The following PDE8A variants were observed in gnomAD, a reference collection of about 807,000 sequenced individuals.
PDE8A encodes the protein phosphodiesterase 8A, also known as high affinity cAMP-specific and IBMX-insensitive 3',5'-cyclic phosphodiesterase 8A.
PDE8A carries 59 observed loss-of-function variants against 105.0 expected under a neutral mutation model. The observed-to-expected ratio is 0.56, with a 90% confidence interval of 0.46 to 0.70. The LOEUF (loss-of-function observed/expected upper bound fraction) is 0.70, where lower values mean the gene tolerates loss of function less well. Among genes scored for constraint, PDE8A ranks in the 30% least tolerant of loss-of-function variants. The pLI is 0.00. For missense variants in PDE8A, 1,014 were observed against 1,045.9 expected (o/e 0.97, Z 0.42); for synonymous variants, 355 against 371.9 (o/e 0.95, Z 0.52).
chr15:85,060,199 A>G (rs55988402), intron 1 of PDE8A, among the ~76,000 whole-genome samples: 13,489 of 152,100 alleles, frequency 0.089, 1,656 homozygotes, highest in African/African-American at 0.28. Flanking sequence ...TTCTGTAGCT[A>G]CTTTCTTTAT....
chr15:84,981,049 G>A (rs1473482204), upstream of PDE8A, among the ~76,000 whole-genome samples: 1 of 152,100 alleles, frequency 6.6e-6, no homozygotes, highest in Non-Finnish European at 1.5e-5. Context: ...TCTTTCCACC[G>A]GCCTCTTTTC....
chr15:85,079,282 G>C (rs2081428683), intron 5 of PDE8A, among the ~76,000 whole-genome samples: 2 of 152,162 alleles, frequency 1.3e-5, no homozygotes, highest in South Asian at 2.1e-4. Flanking sequence ...TGTTTGTAAG[G>C]TTTGTGGGGA....
chr15:85,129,468 C>T (rs2082301333), intron 20 of PDE8A, among the ~76,000 whole-genome samples: 1 of 152,124 alleles, frequency 6.6e-6, no homozygotes, highest in Non-Finnish European at 1.5e-5. Context: ...TGGTAGGTTG[C>T]ATGTTTCTAG....
intron 1 of PDE8A, among the ~76,000 whole-genome samples, chr15:85,007,455 G>T (rs1160674692): frequency 4.6e-5 from 7 of 150,586 alleles, no homozygotes; most frequent in Admixed American, 1.3e-4. Context: ...CTGGGTGCTG[G>T]TTATACAGGT....
chr15:85,053,701 C>G (rs1314711592), intron 1 of PDE8A, among the ~76,000 whole-genome samples: 1 of 152,222 alleles, frequency 6.6e-6, no homozygotes, highest in Non-Finnish European at 1.5e-5. Context: ...TGCTTATCAG[C>G]TTAAGGAGAT....
At chr15:84,981,788 C>G (rs1188362275), upstream of PDE8A, among the ~76,000 whole-genome samples, 1 of 151,026 alleles carries the variant, frequency 6.6e-6, no homozygotes, top group Non-Finnish European at 1.5e-5. Context: ...GCGTGGCTCG[C>G]GCGGCGTGGA....
chr15:84,988,405 C>T (rs1428132431), intron 1 of PDE8A, among the ~76,000 whole-genome samples: 13 of 152,196 alleles, frequency 8.5e-5, no homozygotes, highest in Admixed American at 7.8e-4. Flanking sequence ...ACAGCTCTAC[C>T]TTAGGTTCCT....
At chr15:85,100,120 C>T (rs1252674125) in intron 10 of PDE8A, 36 bp from the exon 11 acceptor site, 1 of 1,612,726 alleles carries the variant, frequency 6.2e-7, no homozygotes, top group Non-Finnish European at 8.5e-7. Context: ...AGATTTTCAG[C>T]AATCAGAACT....
Position 85,108,231 on chromosome 15 carries a change from C to T in PDE8A, c.1037-822C>T, listed in dbSNP as rs535910167. On this transcript the variant is annotated intron_variant, in intron 11 of 21. Coordinates refer to ENST00000394553, the MANE Select transcript of PDE8A (RefSeq NM_002605.3). ...ATGGTGCAAAGGAAGTGCTAAGGGCCTACATTCGGATCCTGTACATGAGCA... is the reference window on the plus strand; with the variant it reads ...ATGGTGCAAAGGAAGTGCTAAGGGCTTACATTCGGATCCTGTACATGAGCA... Among the ~76,000 whole-genome samples, 28 of 152,264 alleles carry T rather than the reference C, an allele frequency of 1.8e-4. 2 individuals are homozygous for T. The South Asian group carries it at 4.1e-3, about 23-fold the overall frequency.
intron 1 of PDE8A, among the ~76,000 whole-genome samples, chr15:85,049,950 A>G (rs551945953): frequency 1.1e-4 from 17 of 152,298 alleles, no homozygotes; most frequent in African/African-American, 3.1e-4. Context: ...ATTTCCATCA[A>G]CAGGGCACAG....
chr15:85,088,718 T>C (rs1054794765), intron 6 of PDE8A, among the ~76,000 whole-genome samples: 13 of 152,240 alleles, frequency 8.5e-5, no homozygotes, highest in Admixed American at 2.6e-4. Context: ...GGGTGTGATA[T>C]AGTGTTCCAC....
chr15:85,064,130 C>T (rs141447356), intron 1 of PDE8A: 18 of 442,400 alleles, frequency 4.1e-5, no homozygotes, highest in Non-Finnish European at 7.2e-5. Context: ...AAAGGCAAAG[C>T]CAGAATCACA....
intron 5 of PDE8A, 131 bp from the exon 6 acceptor site, chr15:85,083,425 T>A: frequency 1.7e-6 from 1 of 597,578 alleles, no homozygotes; most frequent in Admixed American, 2.9e-5. Context: ...TACCTTCTGT[T>A]CATCATTAAT....
intron 1 of PDE8A, among the ~76,000 whole-genome samples, chr15:85,013,510 T>C (rs1315758005): frequency 6.6e-6 from 1 of 152,220 alleles, no homozygotes. Flanking sequence ...TAATCTATTA[T>C]ATGTGTTTGC....
chr15:85,038,299 C>G (rs2080743710), intron 1 of PDE8A, among the ~76,000 whole-genome samples: 1 of 151,748 alleles, frequency 6.6e-6, no homozygotes, highest in South Asian at 2.1e-4. Flanking sequence ...GGTATGAGCT[C>G]TTTGTCAGTT....
chr15:85,046,207 C>G (rs979149883), intron 1 of PDE8A, among the ~76,000 whole-genome samples: 9 of 151,866 alleles, frequency 5.9e-5, no homozygotes, highest in African/African-American at 2.2e-4. Flanking sequence ...ACCCACCACA[C>G]CTGGCTAATT....
intron 5 of PDE8A, among the ~76,000 whole-genome samples, chr15:85,082,448 G>T (rs1214550423): frequency 6.6e-6 from 1 of 152,088 alleles, no homozygotes; most frequent in African/African-American, 2.4e-5. Context: ...CTTTACAGTT[G>T]AGGAAACAGG....
chr15:85,119,482 C>A (rs55813374), intron 17 of PDE8A, among the ~76,000 whole-genome samples: 5,050 of 54,376 alleles, frequency 0.093, 378 homozygotes, highest in African/African-American at 0.18. Context: ...AAAAAAAAAA[C>A]ATTTATTGAA....
intron 3 of PDE8A, among the ~76,000 whole-genome samples, chr15:85,073,752 G>C (rs1441295160): frequency 1.3e-5 from 2 of 152,232 alleles, no homozygotes; most frequent in Non-Finnish European, 2.9e-5. Flanking sequence ...TTTGAGATCA[G>C]TGTTAGGATG....
Sources: allele counts gnomAD v4.1 joint callset (sites outside exome capture counted in the v4.1 genomes callset), GRCh38; gene constraint gnomAD v4.1.1; transcripts MANE v1.5; gene names NCBI Gene and HGNC (gene_info 2026-07-23, HGNC 2026-07-21).